The following P4HB variants were observed in gnomAD, a reference collection of about 807,000 sequenced individuals.
The protein encoded by P4HB is protein disulfide-isomerase.
P4HB carries 20 observed loss-of-function variants against 52.6 expected under a neutral mutation model. The observed-to-expected ratio is 0.38, with a 90% CI of 0.27 to 0.55. The LOEUF (loss-of-function observed/expected upper bound fraction) is 0.55, where lower values mean the gene tolerates loss of function less well. Ranked by LOEUF, P4HB falls within the 20% of genes least tolerant of loss-of-function variation. P4HB has a pLI of 0.74. For missense variants in P4HB, 601 were observed against 669.2 expected (o/e 0.90, Z 1.12); for synonymous variants, 296 against 277.9 (o/e 1.07, Z -0.65).
chr17:81,855,341 C>G lies in P4HB; in HGVS notation c.487-62G>C. 1 of 1,607,492 alleles carries G rather than the reference C, an allele frequency of 6.2e-7. No homozygotes were observed. The highest frequency in any genetic ancestry group is 8.5e-7 in the Non-Finnish European group (1 of 1,175,404). ...CCGCAGCACCAAGCAGTAGGGCAGA[C>G]CCTGTAGAGCCCAGGCCAGGGGGGA... On this transcript the variant is annotated intron_variant, in intron 3 of 10. Coordinates refer to ENST00000331483, the MANE Select transcript of P4HB (RefSeq NM_000918.4). This position sits in a 1 kb window ranked among gnomAD's most constrained non-coding sequence, Gnocchi z 4.3.
In P4HB at chr17:81,843,740, T is replaced by G. The variant is rs966608675; in HGVS notation, c.*272A>C. On this transcript the variant is annotated 3_prime_UTR_variant, in exon 11 of 11. Coordinates refer to ENST00000331483, the MANE Select transcript of P4HB (RefSeq NM_000918.4). ...ACGGTAGCAAGCACTCTGGACAGAC[T>G]CATGTATGAAAAAGTACATCATGGT... 4 of 582,934 alleles carry G rather than the reference T, an allele frequency of 6.9e-6. No homozygotes were observed. The highest frequency in any genetic ancestry group is 1.2e-5 in the Non-Finnish European group (4 of 328,480). The allele number at this position is 582,934 out of a possible 1,614,324, so 36.1% of individuals were successfully genotyped here. A position where few individuals can be genotyped will look rare whatever the true frequency, so the allele number is the denominator to read the frequency against.
In P4HB at chr17:81,844,012, T is replaced by G; in HGVS notation, c.1527A>C (p.Ter509TyrextTer43). 1.2e-6 allele frequency: 2 copies of G among 1,611,496 alleles called. No individual in the cohort carries two copies. Among genetic ancestry groups the G allele is most frequent in the African/African-American group, 1.3e-5 (1 of 74,996 alleles). The change falls in exon 11 of 11, where the codon TAA becomes TAC. Residue 509 changes from the stop codon to tyrosine, a stop_lost. Transcript: ENST00000331483. ...DDQKAVKDEL* is the reference protein window; with the variant it reads ...DDQKAVKDELY ...CAGCGCCCGGGTCTGGCTTTGCGTA[T>G]TACAGTTCATCTTTCACAGCTTTCT...
chr17:81,857,334 G>C (rs1026410901), intron 2 of P4HB, among the ~76,000 whole-genome samples: 2 of 152,082 alleles, frequency 1.3e-5, no homozygotes, highest in African/African-American at 4.8e-5. Context: ...TTTTAGTAGA[G>C]ACGGGGGTTT....
chr17:81,847,446 C>G, intron 4 of P4HB, 99 bp from the exon 5 acceptor site: 1 of 966,902 alleles, frequency 1.0e-6, no homozygotes, highest in East Asian at 2.4e-5. Context: ...CAGCCAGCAG[C>G]CCTGCCCTCC....
chr17:81,860,458 G>A lies in P4HB; in HGVS notation c.14C>T (p.Ala5Val), dbSNP rs1190397609. ...GGCGGCCACGGCCAGGCACAGCAGA[G>A]CGCGGCGCAGCATGTCGGACACGGA... The part of the protein sequence containing the change: MLRR[A>V]LLCLAVAALV... Residue 5 changes from alanine (A) to valine (V), a missense_variant, in exon 1 of 11, where the codon GCT (alanine) becomes GTT (valine). Transcript: ENST00000331483. The A allele has an allele frequency of 1.0e-5, 14 of 1,345,450 alleles. No individual in the cohort carries two copies. The highest frequency in any genetic ancestry group is 1.3e-5 in the Non-Finnish European group (14 of 1,045,020). The allele number at this position is 1,345,450 out of a possible 1,614,324, so 83.3% of individuals were successfully genotyped here.
Position 81,855,306 on chromosome 17 carries a change from C to T in P4HB, c.487-27G>A, listed in dbSNP as rs780684559. 4 of 1,613,320 alleles carry T rather than the reference C, an allele frequency of 2.5e-6. No individual in the cohort carries two copies. Among genetic ancestry groups the T allele is most frequent in the South Asian group, 2.2e-5 (2 of 91,028 alleles). On this transcript the variant is annotated intron_variant, in intron 3 of 10. Transcript: ENST00000331483. The surrounding 1 kb of genome is among the most constrained non-coding windows in gnomAD (Gnocchi z 4.3). ...TGAATGAGGAGGGAGAAGCAGAGGT[C>T]GTCATGATCCCGCAGCACCAAGCAG... is the stretch of plus-strand genomic sequence containing the variant.
intron 2 of P4HB, among the ~76,000 whole-genome samples, chr17:81,857,302 C>G (rs763354030): frequency 5.3e-5 from 8 of 152,162 alleles, no homozygotes; most frequent in Non-Finnish European, 8.8e-5. Flanking sequence ...CGTGCACCAC[C>G]ACGCCCGGCT....
At chr17:81,858,140 T>C (rs940830938) in intron 2 of P4HB, among the ~76,000 whole-genome samples, 4 of 150,124 alleles carry the variant, frequency 2.7e-5, no homozygotes, top group Non-Finnish European at 5.9e-5. Flanking sequence ...GGCGTGGTGG[T>C]GCACACCTGT....
In P4HB at chr17:81,843,436, C is replaced by T. The variant is rs1176906414; in HGVS notation, c.*576G>A. The T allele has an allele frequency of 2.5e-6, 1 of 399,920 alleles. No individual in the cohort carries two copies. The highest frequency in any genetic ancestry group is 4.4e-5 in the Admixed American group (1 of 22,902). The allele number at this position is 399,920 out of a possible 1,614,324, so 24.8% of individuals were successfully genotyped here. On this transcript the variant is annotated 3_prime_UTR_variant, in exon 11 of 11. Transcript: ENST00000331483. ...GCCCCAGGGCTGGCAGCCACCAGCTCCTCTTCCAGGCATGGGGGACACCCT... is the reference window on the plus strand; with the variant it reads ...GCCCCAGGGCTGGCAGCCACCAGCTTCTCTTCCAGGCATGGGGGACACCCT...
At chr17:81,845,323 G>A in intron 9 of P4HB, 93 bp from the exon 10 acceptor site, 1 of 1,113,064 alleles carries the variant, frequency 9.0e-7, no homozygotes, top group Non-Finnish European at 1.3e-6. Context: ...GGCAGAGCAG[G>A]CCCGGTCCGG....
In P4HB at chr17:81,845,719, T is replaced by G. The variant is rs773804471; in HGVS notation, c.1201A>C (p.Lys401Gln). The change falls in exon 9 of 11, where the codon AAA becomes CAA. Residue 401 changes from lysine (K) to glutamine (Q), a missense_variant. By Grantham distance (53) the Lys-to-Gln change is moderately conservative (BLOSUM62 1). Coordinates refer to ENST00000331483, the MANE Select transcript of P4HB (RefSeq NM_000918.4). ...EFYAPWCGHC[K>Q]QLAPIWDKLG... Reference sequence around the variant, plus strand: ...TTATCCCAAATGGGAGCCAACTGTTTGCAGTGACCACACCATGGGGCATCT... The same window carrying G: ...TTATCCCAAATGGGAGCCAACTGTTGGCAGTGACCACACCATGGGGCATCT... 4 of 1,613,686 alleles carry G rather than the reference T, an allele frequency of 2.5e-6. No individual in the cohort carries two copies. Among genetic ancestry groups the G allele is most frequent in the Non-Finnish European group, 3.4e-6 (4 of 1,179,634 alleles).
At position 81,843,672 on chromosome 17, in the gene P4HB, G is replaced by C; in HGVS notation, c.*340C>G. 1 of 442,286 alleles carries C rather than the reference G, an allele frequency of 2.3e-6. No homozygotes were observed. Among genetic ancestry groups the C allele is most frequent in the Non-Finnish European group, 4.0e-6 (1 of 250,948 alleles). The allele number at this position is 442,286 out of a possible 1,614,324, so 27.4% of individuals were successfully genotyped here. A position where few individuals can be genotyped will look rare whatever the true frequency, so the allele number is the denominator to read the frequency against. Reference sequence around the variant, plus strand: ...ATCCCACAGACGGAATTTTCAAAAAGAGGAGAAACCTCCCGCGGGAGGGAG... The same window carrying C: ...ATCCCACAGACGGAATTTTCAAAAACAGGAGAAACCTCCCGCGGGAGGGAG... On this transcript the variant is annotated 3_prime_UTR_variant, in exon 11 of 11. Transcript: ENST00000331483.
In P4HB at chr17:81,843,696, A is replaced by G. The variant is rs1349643106; in HGVS notation, c.*316T>C. ...AGAGGAGAAACCTCCCGCGGGAGGG[A>G]GGCAGCGAGACTCCGAACACGGTAG... is the stretch of plus-strand genomic sequence containing the variant. On this transcript the variant is annotated 3_prime_UTR_variant, in exon 11 of 11. Transcript: ENST00000331483. 4 of 428,380 alleles carry G rather than the reference A, an allele frequency of 9.3e-6. No individual in the cohort carries two copies. Among genetic ancestry groups the G allele is most frequent in the Non-Finnish European group, 1.6e-5 (4 of 242,860 alleles). The allele number at this position is 428,380 out of a possible 1,614,324, so 26.5% of individuals were successfully genotyped here.
intron 4 of P4HB, among the ~76,000 whole-genome samples, chr17:81,850,924 G>A (rs907039543): frequency 2.9e-4 from 44 of 151,868 alleles, no homozygotes; most frequent in African/African-American, 1.0e-3. Context: ...CACCAAGCCT[G>A]GTCCCCTTGA....
At chr17:81,844,218 T>C in intron 10 of P4HB, 126 bp from the exon 11 acceptor site, 1 of 767,840 alleles carries the variant, frequency 1.3e-6, no homozygotes, top group Non-Finnish European at 2.4e-6. Context: ...CACCGGCCAC[T>C]GGAGCAGCCA....
chr17:81,854,270 G>T (rs2038879586), intron 4 of P4HB, among the ~76,000 whole-genome samples: 1 of 152,220 alleles, frequency 6.6e-6, no homozygotes, highest in Non-Finnish European at 1.5e-5. Context: ...CGGGCGCGGT[G>T]GCTCACGCCT....
rs201834939 is a variant in P4HB, at chr17:81,845,174, G to C, written c.1416C>G (p.Ser472Arg). The stretch of plus-strand genomic sequence containing the variant: ...CATCCCCTGCCCCATCCTGGCCACC[G>C]CTCTCCAGGAATTTCTTAAAACCAT... The part of the protein sequence containing the change: ...TLDGFKKFLE[S>R]GGQDGAGDDD... The change falls in exon 10 of 11, where the codon AGC becomes AGG. Residue 472 changes from serine (S) to arginine (R), a missense_variant. Coordinates refer to ENST00000331483, the MANE Select transcript of P4HB (RefSeq NM_000918.4). 2 of 1,613,650 alleles carry C rather than the reference G, an allele frequency of 1.2e-6. No individual in the cohort carries two copies. The highest frequency in any genetic ancestry group is 2.7e-5 in the African/African-American group (2 of 75,064).
chr17:81,845,205 G>C lies in P4HB; in HGVS notation c.1385C>G (p.Thr462Arg), dbSNP rs745864272. Residue 462 changes from threonine (T) to arginine (R), a missense_variant, in exon 10 of 11, where the codon ACG becomes AGG. Thr to Arg is a moderately conservative substitution (Grantham distance 71). Coordinates refer to ENST00000331483, the MANE Select transcript of P4HB (RefSeq NM_000918.4). ...CAGGAATTTCTTAAAACCATCCAGC[G>C]TGCGTTCCCCGTTGTAATCAATGAC... ...RTVIDYNGER[T>R]LDGFKKFLES... The C allele has an allele frequency of 3.1e-6, 5 of 1,613,822 alleles. No homozygotes were observed. Among genetic ancestry groups the C allele is most frequent in the Non-Finnish European group, 4.2e-6 (5 of 1,179,788 alleles).
rs546844045 is a variant in P4HB at position 81,847,871 on chromosome 17, G to C, written c.625-524C>G. 2.0e-3 allele frequency: 317 copies of C among 157,006 alleles called. 2 individuals carry two copies. The highest frequency in any genetic ancestry group is 7.3e-3 in the African/African-American group (298 of 40,976). The allele number at this position is 157,006 out of a possible 1,614,324, so 9.7% of individuals were successfully genotyped here. ...TTTTTTTTGTATTTTTAGTCGAGAT[G>C]GGGTATTACCATGTTGGCCACGAAG... On this transcript the variant is annotated intron_variant, in intron 4 of 10. Transcript: ENST00000331483.
Sources: gnomAD v4.1 joint callset for allele counts (sites outside exome capture counted in the v4.1 genomes callset) on GRCh38, gnomAD v4.1.1 for gene constraint, Gnocchi (gnomAD v3.1) non-coding constraint, MANE v1.5 for transcripts, NCBI Gene and HGNC (gene_info 2026-07-23, HGNC 2026-07-21) for gene names.